Variants in ACVR2B observed in about 807,000 individuals in gnomAD.
ACVR2B encodes activin A receptor type 2B, also known as activin receptor type-2B.
ACVR2B carries 18 observed loss-of-function variants against 65.1 expected under a neutral mutation model. That is an observed-to-expected ratio of 0.28 (90% confidence interval 0.19 to 0.41). The LOEUF (loss-of-function observed/expected upper bound fraction) is 0.41. Among genes scored for constraint, ACVR2B ranks in the 10% least tolerant of loss-of-function variants. The pLI is 1.00. For missense variants in ACVR2B, 482 were observed against 682.7 expected (o/e 0.71, Z 3.28); for synonymous variants, 298 against 277.7 (o/e 1.07, Z -0.73).
chr3:38,466,693 C>CA (rs1408969812), intron 1 of ACVR2B, among the ~76,000 whole-genome samples: 1 of 152,028 alleles, frequency 6.6e-6, no homozygotes, highest in East Asian at 1.9e-4. Flanking sequence ...TTAGTAGAGA[C>CA]AGAGTTTCAC....
intron 1 of ACVR2B, chr3:38,473,891 AT>A (rs1232211429): frequency 5.9e-5 from 9 of 152,328 alleles, no homozygotes; most frequent in African/African-American, 2.2e-4. Context: ...GTCAGGTGAC[AT>A]CTTTTTGAAA....
intron 1 of ACVR2B, among the ~76,000 whole-genome samples, chr3:38,464,850 G>A (rs1170074097): frequency 1.3e-5 from 2 of 152,078 alleles, no homozygotes; most frequent in Non-Finnish European, 2.9e-5. Context: ...TTGAGCCCAG[G>A]AGTTCAAGAC....
chr3:38,454,299 GT>G lies in ACVR2B; in HGVS notation c.-23del, dbSNP rs1158434919. The G allele has an allele frequency of 4.0e-6, 5 of 1,264,856 alleles. No individual in the cohort carries two copies. In the East Asian group the frequency reaches 1.6e-4, roughly 42 times the overall value. 78.4% of individuals were successfully genotyped at this position (1,264,856 alleles called of 1,614,324 possible). On this transcript the variant is annotated 5_prime_UTR_variant, in exon 1 of 11. Transcript: ENST00000352511. ...GCGGCCCTGCCCGCGGGCTCCGGGTGTGCGCGGGGCGGCGCCGCGGAACATG... is the reference window on the plus strand; with the variant it reads ...GCGGCCCTGCCCGCGGGCTCCGGGTGGCGCGGGGCGGCGCCGCGGAACATG...
intron 1 of ACVR2B, among the ~76,000 whole-genome samples, chr3:38,455,388 C>T (rs1267714587): frequency 6.6e-6 from 1 of 152,244 alleles, no homozygotes. Flanking sequence ...CGTCTTTGTT[C>T]CCAGCCCCCA....
Position 38,487,465 on chromosome 3 carries a change from C to T in ACVR2B, c.*4133C>T, listed in dbSNP as rs1435988159. 5 of 152,360 alleles carry T rather than the reference C, an allele frequency of 3.3e-5. No homozygotes were observed. The highest frequency in any genetic ancestry group is 5.9e-5 in the Non-Finnish European group (4 of 68,140). 9.4% of individuals were successfully genotyped at this position (152,360 alleles called of 1,614,324 possible). A position where few individuals can be genotyped will look rare whatever the true frequency, so the allele number is the denominator to read the frequency against. ...CTTTCTCTTCAGTTGGCCACATTCT[C>T]GTTTCCTCCATCCTGCTATGCTTTG... On this transcript the variant is annotated 3_prime_UTR_variant, in exon 11 of 11. Transcript: ENST00000352511.
At chr3:38,475,672 C>T (rs1553675780) in intron 1 of ACVR2B, 1 of 152,328 alleles carries the variant, frequency 6.6e-6, no homozygotes, top group Non-Finnish European at 1.5e-5. Context: ...AAATCAAGCT[C>T]TTTCCTCATG....
rs1355125753 is a variant in ACVR2B, at chr3:38,492,625, T to C, written c.*9293T>C. 1.9e-5 allele frequency: 2 copies of C among 106,822 alleles called. No homozygotes were observed. The highest frequency in any genetic ancestry group is 3.0e-4 in the East Asian group (1 of 3,388). The allele number at this position is 106,822 out of a possible 1,614,324, so 6.6% of individuals were successfully genotyped here. On this transcript the variant is annotated 3_prime_UTR_variant, in exon 11 of 11. Coordinates refer to ENST00000352511, the MANE Select transcript of ACVR2B (RefSeq NM_001106.4). ...TGTACTACTGAATTAACAAAAGTTATACTAAAGTATCATGTTTAAAAAAAA... is the reference window on the plus strand; with the variant it reads ...TGTACTACTGAATTAACAAAAGTTACACTAAAGTATCATGTTTAAAAAAAA...
chr3:38,457,897 G>A (rs1415201978), intron 1 of ACVR2B, among the ~76,000 whole-genome samples: 1 of 152,158 alleles, frequency 6.6e-6, no homozygotes, highest in Non-Finnish European at 1.5e-5. Flanking sequence ...GGGCTACAGA[G>A]CCATGGGCCG....
chr3:38,479,468 G>C (rs1709978405), intron 6 of ACVR2B, among the ~76,000 whole-genome samples, 197 bp downstream of exon 6: 1 of 152,114 alleles, frequency 6.6e-6, no homozygotes, highest in South Asian at 2.1e-4. Flanking sequence ...CTCACCCTGG[G>C]ATAAGTTTTT....
In ACVR2B at chr3:38,482,194, A is replaced by G; in HGVS notation, c.1075-4A>G. 2 of 1,613,606 alleles carry G rather than the reference A, an allele frequency of 1.2e-6. No homozygotes were observed. Among genetic ancestry groups the G allele is most frequent in the Non-Finnish European group, 1.7e-6 (2 of 1,179,922 alleles). The stretch of plus-strand genomic sequence containing the variant: ...AAATCCTGCCCTCCTCTGTCCTCAC[A>G]TAGGTAGGCACGAGACGGTACATGG... On this transcript the variant is annotated splice_polypyrimidine_tract_variant and splice_region_variant and intron_variant, in intron 8 of 10. Coordinates refer to ENST00000352511, the MANE Select transcript of ACVR2B (RefSeq NM_001106.4).
intron 1 of ACVR2B, 109 bp downstream of exon 1, chr3:38,454,483 C>T (rs1485909822): frequency 2.0e-6 from 2 of 996,196 alleles, no homozygotes; most frequent in East Asian, 3.5e-5. Flanking sequence ...GTCGCCGCAC[C>T]ACCTGTATTC....
chr3:38,458,552 T>A (rs546970442), intron 1 of ACVR2B, among the ~76,000 whole-genome samples: 1 of 152,328 alleles, frequency 6.6e-6, no homozygotes, highest in South Asian at 2.1e-4. Flanking sequence ...TTTGTGATCC[T>A]GCCGGATGTT....
intron 1 of ACVR2B, among the ~76,000 whole-genome samples, chr3:38,471,729 T>G (rs1709821527): frequency 1.3e-5 from 2 of 152,228 alleles, no homozygotes; most frequent in South Asian, 4.1e-4. Flanking sequence ...ATTTTGACAC[T>G]TAATAAGTAA....
Position 38,481,396 on chromosome 3 carries a change from C to G in ACVR2B, c.1005C>G (p.Ala335=). The G allele has an allele frequency of 1.2e-6, 2 of 1,614,200 alleles. No homozygotes were observed. The highest frequency in any genetic ancestry group is 1.7e-6 in the Non-Finnish European group (2 of 1,180,020). ...TATTGCTGAAGAGCGACCTCACAGC[C>G]GTGCTGGCTGACTTTGGCTTGGCTG... ...KNVLLKSDLT[A]VLADFGLAVR... The change falls in exon 8 of 11, where the codon GCC becomes GCG. Residue 335 remains alanine (A), a synonymous_variant. Coordinates refer to ENST00000352511, the MANE Select transcript of ACVR2B (RefSeq NM_001106.4). This position sits in a 1 kb window ranked among gnomAD's most constrained non-coding sequence, Gnocchi z 4.7.
intron 5 of ACVR2B, among the ~76,000 whole-genome samples, 183 bp downstream of exon 5, chr3:38,478,701 AT>A (rs1461682722): frequency 6.6e-6 from 1 of 152,118 alleles, no homozygotes; most frequent in Non-Finnish European, 1.5e-5. Flanking sequence ...CAACTATGGA[AT>A]TTTATCATAG....
chr3:38,466,273 A>C (rs573179908), intron 1 of ACVR2B, among the ~76,000 whole-genome samples: 1 of 152,302 alleles, frequency 6.6e-6, no homozygotes, highest in Admixed American at 6.5e-5. Flanking sequence ...ATTTAAAGGA[A>C]AAAATTCTGG....
At chr3:38,458,357 G>A (rs529425567) in intron 1 of ACVR2B, among the ~76,000 whole-genome samples, 2 of 152,310 alleles carry the variant, frequency 1.3e-5, no homozygotes, top group East Asian at 1.9e-4. Flanking sequence ...GTATATGTGT[G>A]CATGTGTGTG....
chr3:38,462,125 C>T (rs1160254730), intron 1 of ACVR2B, among the ~76,000 whole-genome samples: 3 of 152,132 alleles, frequency 2.0e-5, no homozygotes, highest in Non-Finnish European at 2.9e-5. Context: ...ACCCGGGAGG[C>T]GGAGCTTGCA....
At position 38,489,086 on chromosome 3, in the gene ACVR2B, A is replaced by T. The variant is rs1559660507; in HGVS notation, c.*5754A>T. ...GCAGGTGAGGATGGGTCTTCTTGCA[A>T]ATGCATGAGTTCTGTCTTGAGTCCT... On this transcript the variant is annotated 3_prime_UTR_variant, in exon 11 of 11. Transcript: ENST00000352511. 1 of 152,438 alleles carries T rather than the reference A, an allele frequency of 6.6e-6. No homozygotes were observed. Among genetic ancestry groups the T allele is most frequent in the African/African-American group, 2.4e-5 (1 of 41,442 alleles). The allele number at this position is 152,438 out of a possible 1,614,324, so 9.4% of individuals were successfully genotyped here.
Sources: allele counts gnomAD v4.1 joint callset (sites outside exome capture counted in the v4.1 genomes callset), GRCh38; gene constraint gnomAD v4.1.1; non-coding constraint Gnocchi (gnomAD v3.1); transcripts MANE v1.5; gene names NCBI Gene and HGNC (gene_info 2026-07-23, HGNC 2026-07-21).